MAP2: variants seen among roughly 807,000 people sequenced by gnomAD.
The protein encoded by MAP2 is microtubule-associated protein 2.
MAP2 carries 14 observed loss-of-function variants against 137.6 expected under a neutral mutation model. The observed-to-expected ratio is 0.10, with a 90% CI of 0.07 to 0.16. MAP2 has a LOEUF of 0.16. Among genes scored for constraint, MAP2 ranks in the 10% least tolerant of loss-of-function variants. MAP2 has a pLI of 1.00. For missense variants in MAP2, 2,088 were observed against 2,191.5 expected (o/e 0.95, Z 0.94); for synonymous variants, 786 against 782.3 (o/e 1.00, Z -0.08).
At chr2:209,582,200 C>G (rs1162388181) in intron 3 of MAP2, among the ~76,000 whole-genome samples, 2 of 152,016 alleles carry the variant, frequency 1.3e-5, no homozygotes, top group South Asian at 2.1e-4. Flanking sequence ...TCTTGCCTTT[C>G]TTAAAATTAT....
In MAP2 at chr2:209,620,114, G is replaced by A. The variant is rs115540519; in HGVS notation, c.-106-4939G>A. On this transcript the variant is annotated intron_variant, in intron 3 of 15. Transcript: ENST00000682079. ...CTCACATCAGGATTTGTGTAAACAG[G>A]TTATAACCTTTATTGTGTAAAGCCT... is the stretch of plus-strand genomic sequence containing the variant. Among the ~76,000 whole-genome samples the A allele has an allele frequency of 3.5e-3, 534 of 152,250 alleles. 2 individuals are homozygous for A. The highest frequency in any genetic ancestry group is 0.017 in the Middle Eastern group (5 of 294).
At chr2:209,598,353 C>A (rs1378697666) in intron 3 of MAP2, among the ~76,000 whole-genome samples, 1 of 152,082 alleles carries the variant, frequency 6.6e-6, no homozygotes, top group African/African-American at 2.4e-5. Context: ...AGTGCAGAGA[C>A]TGGTACAGAA....
chr2:209,696,473 G>T, intron 8 of MAP2, 69 bp from the exon 9 acceptor site: 1 of 1,494,630 alleles, frequency 6.7e-7, no homozygotes, highest in East Asian at 2.3e-5. Context: ...AATATACAAA[G>T]GATTTTGTAC....
intron 7 of MAP2, among the ~76,000 whole-genome samples, chr2:209,688,824 T>C (rs143399291): frequency 1.9e-3 from 285 of 152,324 alleles, no homozygotes; most frequent in African/African-American, 6.3e-3. Flanking sequence ...CAGATAGTTC[T>C]AAAGCAATAA....
Position 209,435,279 on chromosome 2 carries a change from A to T in MAP2, c.-222+11003A>T, listed in dbSNP as rs1249015387. 1.2e-4 allele frequency among the ~76,000 whole-genome samples: 18 copies of T among 151,738 alleles called. No homozygotes were observed. In the Admixed American group the frequency reaches 1.2e-3, roughly 10 times the overall value. On this transcript the variant is annotated intron_variant, in intron 1 of 15. Transcript: ENST00000682079. ...TTACAACAATATTAATGGTAAAAAA[A>T]AAAGTATGTCTTATAAGTGCCAGCA...
chr2:209,696,911 T>C lies in MAP2; in HGVS notation c.4388-6T>C. 6.3e-7 allele frequency: 1 copy of C among 1,593,432 alleles called. No homozygotes were observed. ...TGGTATGCTTTTTGTGTTTTCTTAT[T>C]CATAGCAGTTTATAAGAAGGCTGAA... On this transcript the variant is annotated splice_polypyrimidine_tract_variant and splice_region_variant and intron_variant, in intron 9 of 15. Coordinates refer to ENST00000682079, the MANE Select transcript of MAP2 (RefSeq NM_001375505.1).
chr2:209,566,984 T>G (rs914247120), intron 2 of MAP2, among the ~76,000 whole-genome samples: 4 of 152,182 alleles, frequency 2.6e-5, no homozygotes, highest in Non-Finnish European at 5.9e-5. Context: ...ATCACCTGCT[T>G]TTTTCTAATA....
chr2:209,437,779 T>C (rs1238008830), intron 1 of MAP2, among the ~76,000 whole-genome samples: 2 of 151,726 alleles, frequency 1.3e-5, no homozygotes, highest in Admixed American at 6.6e-5. Context: ...AGAAGAATAC[T>C]GTACAAAAAT....
At chr2:209,494,655 G>T (rs982163617) in intron 1 of MAP2, among the ~76,000 whole-genome samples, 6 of 152,272 alleles carry the variant, frequency 3.9e-5, no homozygotes, top group Admixed American at 3.9e-4. Flanking sequence ...ACAACCAACA[G>T]CCCTCAGGGC....
chr2:209,498,462 C>T (rs1402335062), intron 1 of MAP2, among the ~76,000 whole-genome samples: 1 of 152,214 alleles, frequency 6.6e-6, no homozygotes, highest in Non-Finnish European at 1.5e-5. Context: ...CACAACTCCA[C>T]TAAGGAATGC....
chr2:209,585,773 A>G (rs1297834663), intron 3 of MAP2, among the ~76,000 whole-genome samples: 3 of 152,168 alleles, frequency 2.0e-5, no homozygotes, highest in Non-Finnish European at 4.4e-5. Context: ...TTTCCAATGG[A>G]TAGTTACTTA....
At chr2:209,673,807 A>G (rs1401881969) in intron 5 of MAP2, among the ~76,000 whole-genome samples, 1 of 151,900 alleles carries the variant, frequency 6.6e-6, no homozygotes, top group African/African-American at 2.4e-5. Flanking sequence ...AAAAGCAAGA[A>G]AAAGAGAATA....
At position 209,645,782 on chromosome 2, in the gene MAP2, A is replaced by G. The variant is rs146769839; in HGVS notation, c.-29-7360A>G. 1.1e-3 allele frequency among the ~76,000 whole-genome samples: 171 copies of G among 152,348 alleles called. 5 individuals carry two copies. In the East Asian group the frequency reaches 0.031, roughly 27 times the overall value. On this transcript the variant is annotated intron_variant, in intron 4 of 15. Coordinates refer to ENST00000682079, the MANE Select transcript of MAP2 (RefSeq NM_001375505.1). ...CACAATTATAAATAAGGAACAGAAC[A>G]TAGTACTCAGGACTTAGAATAAAGT...
intron 1 of MAP2, among the ~76,000 whole-genome samples, chr2:209,455,305 A>C (rs1701282509): frequency 6.6e-6 from 1 of 152,156 alleles, no homozygotes; most frequent in East Asian, 1.9e-4. Context: ...AAGGTCACAC[A>C]GATAGTAAGT....
chr2:209,659,211 C>G (rs986466233), intron 5 of MAP2, among the ~76,000 whole-genome samples: 1 of 152,096 alleles, frequency 6.6e-6, no homozygotes, highest in Non-Finnish European at 1.5e-5. Context: ...TATAAATATG[C>G]TACTCATTGT....
At chr2:209,633,274 T>C (rs1257146808) in intron 4 of MAP2, among the ~76,000 whole-genome samples, 2 of 152,178 alleles carry the variant, frequency 1.3e-5, no homozygotes. Context: ...ATTCCTTCTA[T>C]GAAGCTTTTT....
At chr2:209,447,049 A>G (rs1392228544) in intron 1 of MAP2, among the ~76,000 whole-genome samples, 1 of 151,802 alleles carries the variant, frequency 6.6e-6, no homozygotes, top group East Asian at 1.9e-4. Flanking sequence ...CCACATCTTG[A>G]TTTTTCTTTC....
chr2:209,705,498 A>G, intron 11 of MAP2, 82 bp from the exon 12 acceptor site: 1 of 1,206,946 alleles, frequency 8.3e-7, no homozygotes, highest in Non-Finnish European at 1.1e-6. Flanking sequence ...TTAGCACAGG[A>G]GGAAAATAGC....
At chr2:209,674,295 A>G (rs940981604) in intron 5 of MAP2, among the ~76,000 whole-genome samples, 8 of 151,766 alleles carry the variant, frequency 5.3e-5, no homozygotes, top group Non-Finnish European at 1.0e-4. Flanking sequence ...GACTAGGGGA[A>G]AATAAAGATG....
Sources: gnomAD v4.1 joint callset for allele counts (sites outside exome capture counted in the v4.1 genomes callset) on GRCh38, gnomAD v4.1.1 for gene constraint, MANE v1.5 for transcripts, NCBI Gene and HGNC (gene_info 2026-07-23, HGNC 2026-07-21) for gene names.